The following PLCZ1 variants were observed in gnomAD, a reference collection of about 807,000 sequenced individuals.
PLCZ1 encodes the protein 1-phosphatidylinositol 4,5-bisphosphate phosphodiesterase zeta-1.
In PLCZ1, 64 loss-of-function variants were observed where a neutral mutation model predicts 76.8. The observed-to-expected ratio is 0.83, with a 90% confidence interval of 0.68 to 1.03. The LOEUF (loss-of-function observed/expected upper bound fraction) is 1.03, where lower values mean the gene tolerates loss of function less well. PLCZ1 is among the 50% of genes least tolerant of loss of function. The pLI, the probability that PLCZ1 is intolerant of heterozygous loss-of-function variation, is 0.00. For missense variants in PLCZ1, 751 were observed against 713.7 expected (o/e 1.05, Z -0.60); for synonymous variants, 248 against 230.8 (o/e 1.07, Z -0.68).
At position 18,730,276 on chromosome 12, in the gene PLCZ1, T is replaced by G. The variant is rs1958970379; in HGVS notation, c.135+5945A>C. On this transcript the variant is annotated intron_variant, in intron 3 of 14. Coordinates refer to ENST00000266505, the MANE Select transcript of PLCZ1 (RefSeq NM_033123.4). ...AGCAACAAGAGTTGAAGCAAGTGAGTTGAATGTGTAAGCAGCTTAATCTTC... is the reference window on the plus strand; with the variant it reads ...AGCAACAAGAGTTGAAGCAAGTGAGGTGAATGTGTAAGCAGCTTAATCTTC... 2.0e-5 allele frequency among the ~76,000 whole-genome samples: 3 copies of G among 152,222 alleles called. No homozygotes were observed. The South Asian group carries it at 6.2e-4, about 32-fold the overall frequency.
the PLCZ1 span, among the ~76,000 whole-genome samples, chr12:18,671,185 T>C: frequency 1.0e-5 from 1 of 96,800 alleles, no homozygotes; most frequent in African/African-American, 3.4e-5. Flanking sequence ...TGAGACTCCA[T>C]CTAAAAAAAA....
intron 13 of PLCZ1, among the ~76,000 whole-genome samples, chr12:18,685,984 G>A (rs1317862392): frequency 6.6e-6 from 1 of 151,822 alleles, no homozygotes; most frequent in Non-Finnish European, 1.5e-5. Flanking sequence ...TCCTAGACAT[G>A]ACCAAAACTG....
In PLCZ1 at chr12:18,684,151, G is replaced by A. The variant is rs1270699975; in HGVS notation, c.1720C>T (p.Pro574Ser). The A allele has an allele frequency of 2.5e-6, 4 of 1,611,600 alleles. No homozygotes were observed. The highest frequency in any genetic ancestry group is 3.3e-5 in the Admixed American group (2 of 59,804). ...TTACCTTTGTTCATGCATAGAAGTG[G>A]CAAAGTATATTGCCCAAGAAATTCA... ...GNEFLGQYTLPLLCMNKGYRR... is the reference protein window; with the variant it reads ...GNEFLGQYTLSLLCMNKGYRR... Residue 574 changes from proline (P) to serine (S), a missense_variant, in exon 14 of 15, where the codon CCA (proline) becomes TCA (serine). By Grantham distance (74) the Pro-to-Ser change is moderately conservative (BLOSUM62 -1). Coordinates refer to ENST00000266505, the MANE Select transcript of PLCZ1 (RefSeq NM_033123.4).
At chr12:18,652,737 C>T in the PLCZ1 span, among the ~76,000 whole-genome samples, 2 of 152,148 alleles carry the variant, frequency 1.3e-5, no homozygotes, top group African/African-American at 4.8e-5. Context: ...AAAGTTCCTT[C>T]AGGCTTTTTA....
intron 7 of PLCZ1, among the ~76,000 whole-genome samples, chr12:18,702,047 T>C (rs999934825): frequency 2.6e-5 from 4 of 152,140 alleles, no homozygotes; most frequent in Non-Finnish European, 4.4e-5. Context: ...TTGGTACTAT[T>C]CCAACAATTT....
the PLCZ1 span, among the ~76,000 whole-genome samples, chr12:18,652,504 G>T: frequency 6.6e-6 from 1 of 152,144 alleles, no homozygotes; most frequent in Middle Eastern, 3.2e-3. Flanking sequence ...AGCTGTGGGG[G>T]AAAAATACTG....
the PLCZ1 span, among the ~76,000 whole-genome samples, chr12:18,659,319 G>A: frequency 6.6e-6 from 1 of 152,088 alleles, no homozygotes; most frequent in African/African-American, 2.4e-5. Context: ...AACAAAAGTA[G>A]TCAGACAAAA....
the PLCZ1 span, among the ~76,000 whole-genome samples, chr12:18,678,039 T>C: frequency 6.6e-6 from 1 of 152,124 alleles, no homozygotes; most frequent in African/African-American, 2.4e-5. Context: ...ATGAATGACA[T>C]TGTGGATATG....
At chr12:18,696,825 T>G (rs1955128615) in intron 10 of PLCZ1, among the ~76,000 whole-genome samples, 1 of 152,098 alleles carries the variant, frequency 6.6e-6, no homozygotes, top group Admixed American at 6.6e-5. Flanking sequence ...TCCCCCAAAG[T>G]TTATTCAATC....
chr12:18,673,438 A>C, the PLCZ1 span, among the ~76,000 whole-genome samples: 1 of 152,174 alleles, frequency 6.6e-6, no homozygotes, highest in African/African-American at 2.4e-5. Flanking sequence ...TTTTACATCC[A>C]TTATGGAATT....
Position 18,712,947 on chromosome 12 carries a change from G to A in PLCZ1, c.609C>T (p.Cys203=), listed in dbSNP as rs369274313. ...VKGCRCLEID[C]WDGAQNEPVV... ...CAGGTTCATTTTGTGCTCCATCCCA[G>A]CAGTCAATCTCCAAACAACGGCATC... is the stretch of plus-strand genomic sequence containing the variant. The change falls in exon 6 of 15, where the codon TGC becomes TGT. Residue 203 remains cysteine (C), a synonymous_variant. Coordinates refer to ENST00000266505, the MANE Select transcript of PLCZ1 (RefSeq NM_033123.4). The A allele has an allele frequency of 6.2e-7, 1 of 1,613,904 alleles. No homozygotes were observed. The highest frequency in any genetic ancestry group is 8.5e-7 in the Non-Finnish European group (1 of 1,179,870).
At chr12:18,657,523 T>C in the PLCZ1 span, among the ~76,000 whole-genome samples, 4 of 152,162 alleles carry the variant, frequency 2.6e-5, no homozygotes, top group South Asian at 6.2e-4. Context: ...AGATTTCTAA[T>C]TTTTTGTTGT....
At chr12:18,659,822 G>A in the PLCZ1 span, among the ~76,000 whole-genome samples, 1 of 151,974 alleles carries the variant, frequency 6.6e-6, no homozygotes, top group Non-Finnish European at 1.5e-5. Context: ...TAAAATAAAG[G>A]AGAAATTAAG....
intron 3 of PLCZ1, among the ~76,000 whole-genome samples, chr12:18,735,058 T>C (rs770077712): frequency 3.3e-5 from 5 of 152,176 alleles, no homozygotes; most frequent in Non-Finnish European, 7.3e-5. Flanking sequence ...ATCACATTGA[T>C]TGATTTCTGT....
Position 18,694,958 on chromosome 12 carries a change from A to G in PLCZ1, c.1413T>C (p.Phe471=), listed in dbSNP as rs755286414. 1.9e-6 allele frequency: 3 copies of G among 1,605,418 alleles called. No individual in the cohort carries two copies. Among genetic ancestry groups the G allele is most frequent in the East Asian group, 2.2e-5 (1 of 44,734 alleles). Residue 471 remains phenylalanine, a synonymous_variant, in exon 12 of 15, where the codon TTT becomes TTC. Transcript: ENST00000266505. ...PHFLRESKSY[F]NPSNIKEGMP... is the part of the protein sequence containing the mutation. ...TACCCTCTTTTATGTTACTTGGGTT[A>G]AAGTATGATTTACTCTCTCTTAAGA...
chr12:18,723,430 T>C lies in PLCZ1; in HGVS notation c.248A>G (p.Asn83Ser). 1.2e-6 allele frequency: 2 copies of C among 1,613,056 alleles called. No homozygotes were observed. The highest frequency in any genetic ancestry group is 1.7e-4 in the Middle Eastern group (1 of 6,052). ...IIEIFNTYSE[N>S]RKILLASNLA... is the part of the protein sequence containing the mutation. ...ATTACTTGCTAAAAGAATTTTCCGG[T>C]TTTCAGAATATGTGTTGAAAATCTC... The change falls in exon 4 of 15, where the codon AAC becomes AGC. Residue 83 changes from asparagine (N) to serine (S), a missense_variant. Transcript: ENST00000266505.
At chr12:18,684,753 A>C (rs1469565288) in intron 13 of PLCZ1, among the ~76,000 whole-genome samples, 3 of 152,028 alleles carry the variant, frequency 2.0e-5, no homozygotes, top group Non-Finnish European at 4.4e-5. Context: ...TAAGTCCTTG[A>C]TATGGTTAAG....
intron 14 of PLCZ1, 25 bp downstream of exon 14, chr12:18,684,105 A>G: frequency 6.2e-7 from 1 of 1,608,656 alleles, no homozygotes; most frequent in Non-Finnish European, 8.5e-7. Flanking sequence ...TGCTGGTACA[A>G]TCATCTAACT....
chr12:18,691,590 A>G (rs1385162730), intron 12 of PLCZ1, among the ~76,000 whole-genome samples: 1 of 152,190 alleles, frequency 6.6e-6, no homozygotes, highest in African/African-American at 2.4e-5. Context: ...AGGAGAGTCC[A>G]GTCCCAGAGC....
Sources: gnomAD v4.1 joint callset for allele counts (sites outside exome capture counted in the v4.1 genomes callset) on GRCh38, gnomAD v4.1.1 for gene constraint, MANE v1.5 for transcripts, NCBI Gene and HGNC (gene_info 2026-07-23, HGNC 2026-07-21) for gene names.